The following CKAP5 variants were observed in gnomAD, a reference collection of about 807,000 sequenced individuals.
CKAP5 encodes cytoskeleton-associated protein 5.
In CKAP5, 27 loss-of-function variants were observed where a neutral mutation model predicts 232.8. The observed-to-expected ratio is 0.12, with a 90% CI of 0.09 to 0.16. The LOEUF is 0.16. Ranked by LOEUF, CKAP5 falls within the 10% of genes least tolerant of loss-of-function variation. CKAP5 has a pLI of 1.00. For missense variants in CKAP5, 1,838 were observed against 2,424.7 expected (o/e 0.76, Z 5.08); for synonymous variants, 785 against 841.1 (o/e 0.93, Z 1.16).
chr11:46,770,395 A>G (rs1349796583), intron 25 of CKAP5: 10 of 372,598 alleles, frequency 2.7e-5, no homozygotes, highest in Non-Finnish European at 4.8e-5. Context: ...GACTCACAGG[A>G]GGTAATATGG....
chr11:46,808,818 T>C (rs973850188), intron 7 of CKAP5, among the ~76,000 whole-genome samples: 10 of 152,118 alleles, frequency 6.6e-5, no homozygotes, highest in African/African-American at 2.4e-4. Context: ...ACTGACAACA[T>C]TAAAAAGACC....
chr11:46,753,142 T>C lies in CKAP5; in HGVS notation c.5057+168A>G, dbSNP rs1376121091. ...ATCAACTTCCTAGGCACACTTAAAG[T>C]TTTAACTGATATAGTTATAACTGAT... On this transcript the variant is annotated intron_variant, in intron 37 of 43. Transcript: ENST00000529230. 17 of 519,188 alleles carry C rather than the reference T, an allele frequency of 3.3e-5. No individual in the cohort carries two copies. In the Middle Eastern group the frequency reaches 8.3e-4, roughly 25 times the overall value. 32.2% of individuals were successfully genotyped at this position (519,188 alleles called of 1,614,324 possible).
chr11:46,791,645 GC>G (rs957963983), intron 13 of CKAP5, among the ~76,000 whole-genome samples: 7 of 152,106 alleles, frequency 4.6e-5, no homozygotes, highest in African/African-American at 7.2e-5. Context: ...CTATACTCTG[GC>G]TTGGGTGGCA....
intron 1 of CKAP5, among the ~76,000 whole-genome samples, chr11:46,830,408 T>C (rs1278448584): frequency 8.2e-6 from 1 of 122,642 alleles, no homozygotes; most frequent in Non-Finnish European, 1.6e-5. Flanking sequence ...ACCACCGCAC[T>C]CCAGCCTGGG....
intron 42 of CKAP5, among the ~76,000 whole-genome samples, chr11:46,745,294 T>C (rs955705547): frequency 2.6e-5 from 4 of 151,938 alleles, no homozygotes; most frequent in South Asian, 2.1e-4. Flanking sequence ...TTATGGTAAA[T>C]AGAAAAGTAG....
intron 27 of CKAP5, among the ~76,000 whole-genome samples, chr11:46,765,867 G>A (rs1179456591): frequency 1.3e-5 from 2 of 152,078 alleles, no homozygotes; most frequent in African/African-American, 4.8e-5. Context: ...AGCCATTAAT[G>A]ACATCTTGAA....
At chr11:46,845,582 A>G (rs1455477549) in intron 1 of CKAP5, among the ~76,000 whole-genome samples, 1 of 152,120 alleles carries the variant, frequency 6.6e-6, no homozygotes, top group Non-Finnish European at 1.5e-5. Context: ...GCAAGGCCCA[A>G]CCCACACTGC....
At chr11:46,798,261 A>G in intron 9 of CKAP5, 89 bp from the exon 10 acceptor site, 1 of 937,058 alleles carries the variant, frequency 1.1e-6, no homozygotes, top group South Asian at 1.4e-5. Flanking sequence ...CCTTAAAAAT[A>G]GTATGCTAAG....
chr11:46,778,027 C>T, intron 22 of CKAP5, 112 bp downstream of exon 22: 4 of 826,896 alleles, frequency 4.8e-6, no homozygotes, highest in Non-Finnish European at 7.6e-6. Flanking sequence ...ATTTCTAGTT[C>T]AAAGCAAATA....
chr11:46,747,684 C>A (rs949711539), intron 42 of CKAP5, among the ~76,000 whole-genome samples: 18 of 151,724 alleles, frequency 1.2e-4, no homozygotes, highest in African/African-American at 4.4e-4. Context: ...GGCAACAAAG[C>A]CATCTAAGGA....
chr11:46,818,511 A>G lies in CKAP5; in HGVS notation c.58-8T>C, dbSNP rs1039500557. 6.5e-7 allele frequency: 1 copy of G among 1,539,200 alleles called. No homozygotes were observed. The highest frequency in any genetic ancestry group is 1.4e-5 in the African/African-American group (1 of 70,854). Reference sequence around the variant, plus strand: ...TAACCTTGCTTTCCACAGCTAAAAGAAAAGTAGTATTTTGAAACAAAACAT... The same window carrying G: ...TAACCTTGCTTTCCACAGCTAAAAGGAAAGTAGTATTTTGAAACAAAACAT... On this transcript the variant is annotated splice_polypyrimidine_tract_variant and splice_region_variant and intron_variant, in intron 2 of 43. Coordinates refer to ENST00000529230, the MANE Select transcript of CKAP5 (RefSeq NM_001008938.4).
At chr11:46,817,445 A>C (rs375327811) in intron 3 of CKAP5, among the ~76,000 whole-genome samples, 2 of 152,150 alleles carry the variant, frequency 1.3e-5, no homozygotes, top group African/African-American at 4.8e-5. Context: ...TGAAACCTAC[A>C]CTACCGGGAA....
chr11:46,802,370 G>A (rs1565743251), intron 8 of CKAP5: 1 of 152,154 alleles, frequency 6.6e-6, no homozygotes. Context: ...ATCAGTTGGT[G>A]TTAAAAAGCT....
chr11:46,768,367 C>CTT (rs10711197), intron 26 of CKAP5, among the ~76,000 whole-genome samples: 14 of 136,760 alleles, frequency 1.0e-4, no homozygotes, highest in African/African-American at 2.6e-4. Context: ...ATTAAAACAA[C>CTT]TTTTTTTTTT....
intron 4 of CKAP5, among the ~76,000 whole-genome samples, chr11:46,812,180 A>T (rs993122990): frequency 6.6e-6 from 1 of 151,986 alleles, no homozygotes; most frequent in Admixed American, 6.6e-5. Context: ...AAAATACAAA[A>T]ATTAGCCAGG....
chr11:46,779,842 A>G (rs531692741), intron 20 of CKAP5, among the ~76,000 whole-genome samples: 1 of 151,972 alleles, frequency 6.6e-6, no homozygotes, highest in South Asian at 2.1e-4. Flanking sequence ...GGCTGGTCTT[A>G]AACTCCTGGG....
At chr11:46,787,994 T>C in intron 16 of CKAP5, among the ~76,000 whole-genome samples, 1 of 152,184 alleles carries the variant, frequency 6.6e-6, no homozygotes, top group Non-Finnish European at 1.5e-5. Context: ...AAATAGTAAA[T>C]ATGTTTTCTC....
Position 46,846,239 on chromosome 11 carries a change from AGCG to A in CKAP5, c.-60_-58del, listed in dbSNP as rs1940190707. 1 of 152,144 alleles carries A rather than the reference AGCG, an allele frequency of 6.6e-6. No individual in the cohort carries two copies. Among genetic ancestry groups the A allele is most frequent in the Admixed American group, 6.5e-5 (1 of 15,278 alleles). 9.4% of individuals were successfully genotyped at this position (152,144 alleles called of 1,614,324 possible). On this transcript the variant is annotated 5_prime_UTR_variant, in exon 1 of 44. Transcript: ENST00000529230. ...ACTCACCTCAGCTGGGTCAGAACCAAGCGGCCTGCTCTAAGCCGTTTGAAACCG... is the reference window on the plus strand; with the variant it reads ...ACTCACCTCAGCTGGGTCAGAACCAAGCCTGCTCTAAGCCGTTTGAAACCG...
chr11:46,755,410 T>C (rs1056150568), intron 35 of CKAP5, among the ~76,000 whole-genome samples: 5 of 151,264 alleles, frequency 3.3e-5, no homozygotes, highest in Non-Finnish European at 1.5e-5. Context: ...GGTTTCACCA[T>C]GTTGGCCAGG....
Sources: gnomAD v4.1 joint callset for allele counts (sites outside exome capture counted in the v4.1 genomes callset) on GRCh38, gnomAD v4.1.1 for gene constraint, MANE v1.5 for transcripts, NCBI Gene and HGNC (gene_info 2026-07-23, HGNC 2026-07-21) for gene names.